The following RAB5B variants were observed in gnomAD, a reference collection of about 807,000 sequenced individuals.
RAB5B encodes ras-related protein Rab-5B.
A neutral mutation model predicts 28.6 loss-of-function variants in RAB5B; 11 were observed. That is an observed-to-expected ratio of 0.38 (90% CI 0.24 to 0.64). RAB5B has a LOEUF of 0.64. Among genes scored for constraint, RAB5B ranks in the 30% least tolerant of loss-of-function variants. The pLI, the probability that RAB5B is intolerant of heterozygous loss-of-function variation, is 0.53. For synonymous variants in RAB5B, 93 were observed against 97.9 expected (o/e 0.95, Z 0.29); for missense variants, 169 against 265.6 (o/e 0.64, Z 2.53).
intron 2 of RAB5B, among the ~76,000 whole-genome samples, chr12:55,988,247 G>T (rs138975844): frequency 6.6e-6 from 1 of 152,056 alleles, no homozygotes; most frequent in Non-Finnish European, 1.5e-5. Flanking sequence ...CAGGAGACTC[G>T]CTTGAACTCA....
At chr12:55,983,069 C>A (rs2136478414) in intron 1 of RAB5B, among the ~76,000 whole-genome samples, 1 of 151,628 alleles carries the variant, frequency 6.6e-6, no homozygotes, top group Non-Finnish European at 1.5e-5. Context: ...TGTCACCTGT[C>A]TTCTCTTTTA....
intron 1 of RAB5B, among the ~76,000 whole-genome samples, chr12:55,975,044 A>C (rs959583472): frequency 1.3e-5 from 2 of 152,138 alleles, no homozygotes; most frequent in Non-Finnish European, 2.9e-5. Context: ...CCTATGAAAG[A>C]GCTAAGAAGT....
rs759235479 is a variant in RAB5B, at chr12:55,987,164, G to C, written c.163+41G>C. The stretch of plus-strand genomic sequence containing the variant: ...TAATAGGAGATTGAATGTTTGGTAA[G>C]GGTTTTTTTTTTTTTAGATGGAGTC... On this transcript the variant is annotated intron_variant, in intron 2 of 5. Coordinates refer to ENST00000360299, the MANE Select transcript of RAB5B (RefSeq NM_002868.4). The C allele has an allele frequency of 6.5e-6, 10 of 1,548,688 alleles. No individual in the cohort carries two copies. The Admixed American group carries it at 7.7e-5, about 12-fold the overall frequency.
chr12:55,990,749 T>C lies in RAB5B; in HGVS notation c.383T>C (p.Ile128Thr), dbSNP rs1371830836. Residue 128 changes from isoleucine to threonine, a missense_variant, in exon 4 of 6, where the codon ATT becomes ACT. Physicochemically the swap from Ile to Thr is moderately conservative, Grantham distance 89. This residue lies in a region of RAB5B where 123 missense variants were observed against 162.4 expected (regional missense o/e 0.76). Transcript: ENST00000360299. ...CGACAGGCCAGTCCTAGCATCGTTATTGCCCTGGCAGGGAACAAAGCTGAC... is the reference window on the plus strand; with the variant it reads ...CGACAGGCCAGTCCTAGCATCGTTACTGCCCTGGCAGGGAACAAAGCTGAC... ...LQRQASPSIV[I>T]ALAGNKADLA... is the part of the protein sequence containing the mutation. The C allele has an allele frequency of 6.2e-7, 1 of 1,614,014 alleles. No homozygotes were observed. Among genetic ancestry groups the C allele is most frequent in the Middle Eastern group, 1.6e-4 (1 of 6,082 alleles).
chr12:55,992,595 G>A lies in RAB5B; in HGVS notation c.*383G>A. The A allele has an allele frequency of 2.2e-6, 1 of 458,166 alleles. No individual in the cohort carries two copies. 28.4% of individuals were successfully genotyped at this position (458,166 alleles called of 1,614,324 possible). ...CCTGTCCCTTCCCCTTCTGCTTTTG[G>A]TCAGTCCCTGTTCTTGAGCCTCTTT... On this transcript the variant is annotated 3_prime_UTR_variant, in exon 6 of 6. Transcript: ENST00000360299.
At chr12:55,980,591 A>C (rs1889775560) in intron 1 of RAB5B, 1 of 1,598,594 alleles carries the variant, frequency 6.3e-7, no homozygotes, top group Non-Finnish European at 8.6e-7. Context: ...ACTAGTTTCG[A>C]AAAATCGGAT....
At chr12:55,977,334 A>G (rs183908204) in intron 1 of RAB5B, among the ~76,000 whole-genome samples, 1 of 152,180 alleles carries the variant, frequency 6.6e-6, no homozygotes, top group East Asian at 1.9e-4. Flanking sequence ...AGTTTTTTGC[A>G]TCCTAAGAGA....
In RAB5B at chr12:55,977,535, A is replaced by G. The variant is rs565482783; in HGVS notation, c.-93+3396A>G. 4.6e-5 allele frequency among the ~76,000 whole-genome samples: 7 copies of G among 152,236 alleles called. No homozygotes were observed. In the East Asian group the frequency reaches 7.7e-4, roughly 17 times the overall value. ...ACTCTTACTTTACCTGGGAGCAAAT[A>G]TTGCTTATTGGTATGAATTTTACTT... is the stretch of plus-strand genomic sequence containing the variant. On this transcript the variant is annotated intron_variant, in intron 1 of 5. Transcript: ENST00000360299.
chr12:55,984,533 A>ACAGTGGCGCATCAGCT (rs1453143588), intron 1 of RAB5B, among the ~76,000 whole-genome samples: 3 of 152,100 alleles, frequency 2.0e-5, no homozygotes, highest in African/African-American at 7.2e-5. Flanking sequence ...AGGCTGGAGC[A>ACAGTGGCGCATCAGCT]CAGTGGCGCA....
chr12:55,978,964 G>T (rs1889724401), intron 1 of RAB5B, among the ~76,000 whole-genome samples: 1 of 151,852 alleles, frequency 6.6e-6, no homozygotes, highest in Non-Finnish European at 1.5e-5. Context: ...GTAGAGACGG[G>T]GTTTCACCAT....
intron 1 of RAB5B, among the ~76,000 whole-genome samples, chr12:55,984,167 A>G (rs938996399): frequency 1.4e-5 from 2 of 147,050 alleles, no homozygotes; most frequent in African/African-American, 5.0e-5. Flanking sequence ...AATGCCGGCC[A>G]CCAACCACAC....
chr12:55,988,703 G>A (rs575749268), intron 2 of RAB5B, among the ~76,000 whole-genome samples: 29 of 151,926 alleles, frequency 1.9e-4, no homozygotes, highest in African/African-American at 6.0e-4. Flanking sequence ...GGGTTTCACC[G>A]TGTTGGCCAG....
chr12:55,991,619 T>G (rs1890124442), intron 5 of RAB5B, 166 bp downstream of exon 5: 1 of 577,282 alleles, frequency 1.7e-6, no homozygotes, highest in Admixed American at 3.0e-5. Flanking sequence ...CAGCTTTAGC[T>G]CCCTTGTCTT....
At chr12:55,986,341 GGA>G (rs1466721375) in intron 1 of RAB5B, among the ~76,000 whole-genome samples, 1 of 152,136 alleles carries the variant, frequency 6.6e-6, no homozygotes, top group Non-Finnish European at 1.5e-5. Context: ...CAGCTACTCG[GGA>G]GACTGAGGTG....
Position 55,995,433 on chromosome 12 carries a change from G to T in RAB5B, c.*3221G>T, listed in dbSNP as rs1190369609. On this transcript the variant is annotated 3_prime_UTR_variant, in exon 6 of 6. Coordinates refer to ENST00000360299, the MANE Select transcript of RAB5B (RefSeq NM_002868.4). ...ATCCATTTCTATATGTTTCTCAAAG[G>T]GGTCCATGACCCAAAGGTTGAAAAA... 4 of 152,120 alleles carry T rather than the reference G, an allele frequency of 2.6e-5. No homozygotes were observed. Among genetic ancestry groups the T allele is most frequent in the Non-Finnish European group, 1.5e-5 (1 of 68,022 alleles). 9.4% of individuals were successfully genotyped at this position (152,120 alleles called of 1,614,324 possible). A position where few individuals can be genotyped will look rare whatever the true frequency, so the allele number is the denominator to read the frequency against.
At chr12:55,981,019 G>A (rs11171713) in intron 1 of RAB5B, 126,503 of 1,613,226 alleles carry the variant, frequency 0.078, 5,304 homozygotes, top group Non-Finnish European at 0.084. Context: ...AGAGGTGGTC[G>A]TAGGCTTTGG....
intron 1 of RAB5B, among the ~76,000 whole-genome samples, chr12:55,981,956 C>A (rs773111): frequency 0.24 from 36,077 of 151,764 alleles, 5,064 homozygotes; most frequent in Non-Finnish European, 0.32. Flanking sequence ...TGTCAGCCAC[C>A]ACACCTGGCT....
At chr12:55,984,993 C>T (rs183476278) in intron 1 of RAB5B, among the ~76,000 whole-genome samples, 1 of 152,218 alleles carries the variant, frequency 6.6e-6, no homozygotes, top group East Asian at 1.9e-4. Flanking sequence ...TTATTTAGCA[C>T]TTAGTATCTA....
rs955417491 is a variant in RAB5B, at chr12:55,980,488, G to A, written c.-93+6349G>A. On this transcript the variant is annotated intron_variant, in intron 1 of 5. Coordinates refer to ENST00000360299, the MANE Select transcript of RAB5B (RefSeq NM_002868.4). ...TTTTCAGGTCAGTACTGGGAGGCTT[G>A]TTGCCGTTTCCTGATCTCCGGCCTC... 5 of 1,592,300 alleles carry A rather than the reference G, an allele frequency of 3.1e-6. No individual in the cohort carries two copies. In the African/African-American group the frequency reaches 4.0e-5, roughly 13 times the overall value.
Sources: gnomAD v4.1 joint callset for allele counts (sites outside exome capture counted in the v4.1 genomes callset) on GRCh38, gnomAD v4.1.1 for gene constraint, gnomAD v4.1.1 regional missense constraint, MANE v1.5 for transcripts, NCBI Gene and HGNC (gene_info 2026-07-23, HGNC 2026-07-21) for gene names.